TRAF3: variants seen among roughly 807,000 people sequenced by gnomAD.
TRAF3 encodes the protein TNF receptor-associated factor 3.
A neutral mutation model predicts 62.3 loss-of-function variants in TRAF3; 13 were observed. That is an observed-to-expected ratio of 0.21 (90% CI 0.14 to 0.33). TRAF3 has a LOEUF of 0.33. Among genes scored for constraint, TRAF3 ranks in the 10% least tolerant of loss-of-function variants. TRAF3 has a pLI of 1.00. For missense variants in TRAF3, 440 were observed against 741.8 expected, an observed-to-expected ratio of 0.59 and a Z score of 4.73; for synonymous variants, 269 against 283.4, an observed-to-expected ratio of 0.95 and a Z score of 0.51.
At chr14:102,865,917 C>G (rs530868826) in intron 2 of TRAF3, 7 of 152,306 alleles carry the variant, frequency 4.6e-5, no homozygotes, top group African/African-American at 1.4e-4. Context: ...TAGCATGGCC[C>G]CTGCACAAGG....
At chr14:102,890,743 A>G (rs1192210670) in intron 8 of TRAF3, among the ~76,000 whole-genome samples, 1 of 152,188 alleles carries the variant, frequency 6.6e-6, no homozygotes, top group African/African-American at 2.4e-5. Flanking sequence ...CATCTTATGT[A>G]CTCTGTAGAT....
At chr14:102,892,036 C>T (rs1402419309) in intron 9 of TRAF3, among the ~76,000 whole-genome samples, 1 of 151,382 alleles carries the variant, frequency 6.6e-6, no homozygotes, top group Non-Finnish European at 1.5e-5. Flanking sequence ...AAGAGACTCT[C>T]CCATGCTGTT....
intron 2 of TRAF3, among the ~76,000 whole-genome samples, chr14:102,837,879 T>G (rs1886124559): frequency 6.6e-6 from 1 of 152,204 alleles, no homozygotes; most frequent in Non-Finnish European, 1.5e-5. Context: ...TTGATGTAAT[T>G]GTTTTAGTTC....
At chr14:102,810,183 C>G (rs367634324) in intron 1 of TRAF3, among the ~76,000 whole-genome samples, 1 of 152,150 alleles carries the variant, frequency 6.6e-6, no homozygotes, top group Non-Finnish European at 1.5e-5. Flanking sequence ...ACCCCCTCCC[C>G]CCTACAACTG....
At chr14:102,840,164 T>TA (rs1886292512) in intron 2 of TRAF3, among the ~76,000 whole-genome samples, 1 of 152,150 alleles carries the variant, frequency 6.6e-6, no homozygotes, top group African/African-American at 2.4e-5. Flanking sequence ...ATTAATATTT[T>TA]AATGCAGTGC....
chr14:102,789,478 T>C (rs571984723), intron 1 of TRAF3, among the ~76,000 whole-genome samples: 3 of 152,180 alleles, frequency 2.0e-5, no homozygotes, highest in Non-Finnish European at 4.4e-5. Context: ...TTTTTTGTTT[T>C]GTTTCTTTTT....
rs151123401 is a variant in TRAF3 at position 102,787,783 on chromosome 14, C to G, written c.-157+10108C>G. Among the ~76,000 whole-genome samples, 773 of 151,450 alleles carry G rather than the reference C, an allele frequency of 5.1e-3. 9 individuals are homozygous for G. Among genetic ancestry groups the G allele is most frequent in the African/African-American group, 0.018 (757 of 41,310 alleles). On this transcript the variant is annotated intron_variant, in intron 1 of 11. Transcript: ENST00000392745. ...TTCTGAACACCCTAATTAAACAGCCCATGCTGTTGCTGTGGTCACTTGCCT... is the reference window on the plus strand; with the variant it reads ...TTCTGAACACCCTAATTAAACAGCCGATGCTGTTGCTGTGGTCACTTGCCT...
chr14:102,782,881 A>G (rs1290954154), intron 1 of TRAF3, among the ~76,000 whole-genome samples: 1 of 152,220 alleles, frequency 6.6e-6, no homozygotes, highest in African/African-American at 2.4e-5. Context: ...TTAAGTGGAA[A>G]GAAAAGCTAA....
chr14:102,864,894 C>T (rs549162612), intron 2 of TRAF3, among the ~76,000 whole-genome samples: 1 of 152,264 alleles, frequency 6.6e-6, no homozygotes, highest in South Asian at 2.1e-4. Context: ...GGTTAGTGCC[C>T]AGCAGTAGGG....
At chr14:102,865,585 T>C (rs929512934) in intron 2 of TRAF3, among the ~76,000 whole-genome samples, 7 of 151,520 alleles carry the variant, frequency 4.6e-5, no homozygotes, top group Non-Finnish European at 1.0e-4. Flanking sequence ...CTGAAACCTC[T>C]GCCTCCCAGG....
rs958632629 is a variant in TRAF3, at chr14:102,873,254, G to C, written c.297+1286G>C. Among the ~76,000 whole-genome samples, 5 of 152,170 alleles carry C rather than the reference G, an allele frequency of 3.3e-5. No individual in the cohort carries two copies. In the South Asian group the frequency reaches 1.0e-3, roughly 32 times the overall value. On this transcript the variant is annotated intron_variant, in intron 4 of 11. Transcript: ENST00000392745. ...TCCAGTATAGCCGCTCTGGAAGGGG[G>C]AGAGATGGAATTGGCCACCTGGCCC...
Position 102,903,510 on chromosome 14 carries a change from G to A in TRAF3, c.1135+81G>A. ...CTGGGGCGGGGTCCGTGGGATGAGG[G>A]CTATGTTAGGTACATGTGCCTTAGG... On this transcript the variant is annotated intron_variant, in intron 11 of 11. Coordinates refer to ENST00000392745, the MANE Select transcript of TRAF3 (RefSeq NM_145725.3). This position sits in a 1 kb window ranked among gnomAD's most constrained non-coding sequence, Gnocchi z 6.4. The A allele has an allele frequency of 6.3e-7, 1 of 1,585,658 alleles. No homozygotes were observed. The highest frequency in any genetic ancestry group is 8.6e-7 in the Non-Finnish European group (1 of 1,161,060).
rs549387653 is a variant in TRAF3, at chr14:102,902,740, G to A, written c.961-515G>A. Among the ~76,000 whole-genome samples, 22 of 152,322 alleles carry A rather than the reference G, an allele frequency of 1.4e-4. No individual in the cohort carries two copies. The South Asian group carries it at 4.6e-3, about 32-fold the overall frequency. On this transcript the variant is annotated intron_variant, in intron 10 of 11. Transcript: ENST00000392745. The stretch of plus-strand genomic sequence containing the variant: ...AGCTGGGAGGGACACATGGGAGTGT[G>A]AGGGTGAGGTCGGATCCTGGTATCT...
At chr14:102,813,474 G>T (rs1187457178) in intron 1 of TRAF3, among the ~76,000 whole-genome samples, 1 of 144,526 alleles carries the variant, frequency 6.9e-6, no homozygotes. Context: ...TTTTTGAGAC[G>T]GAGTCTCACT....
intron 6 of TRAF3, among the ~76,000 whole-genome samples, chr14:102,880,345 A>C (rs931524430): frequency 4.6e-5 from 7 of 152,208 alleles, no homozygotes; most frequent in Admixed American, 2.6e-4. Context: ...CCAGTTGTTA[A>C]ATTTCAGTGA....
intron 2 of TRAF3, among the ~76,000 whole-genome samples, chr14:102,837,904 C>A (rs1402300185): frequency 6.6e-6 from 1 of 152,160 alleles, no homozygotes; most frequent in African/African-American, 2.4e-5. Flanking sequence ...ACAATCCAGA[C>A]CCTGGCCAGC....
intron 2 of TRAF3, among the ~76,000 whole-genome samples, chr14:102,842,675 T>TA (rs1218011610): frequency 6.6e-6 from 1 of 152,076 alleles, no homozygotes; most frequent in African/African-American, 2.4e-5. Context: ...TACCTCATAA[T>TA]CAGATTGCCA....
chr14:102,880,703 C>T (rs1889001125), intron 6 of TRAF3, among the ~76,000 whole-genome samples: 1 of 152,202 alleles, frequency 6.6e-6, no homozygotes, highest in African/African-American at 2.4e-5. Context: ...GACATGGAAT[C>T]AACCTAAATG....
intron 1 of TRAF3, among the ~76,000 whole-genome samples, chr14:102,779,269 CTTTTTTTTTT>C (rs61309052): frequency 1.2e-3 from 153 of 123,448 alleles, no homozygotes; most frequent in African/African-American, 4.3e-3. Context: ...AGAATTCCAG[CTTTTTTTTTT>C]TTTTTTTTTT....
Sources: allele counts gnomAD v4.1 joint callset (sites outside exome capture counted in the v4.1 genomes callset), GRCh38; gene constraint gnomAD v4.1.1; non-coding constraint Gnocchi (gnomAD v3.1); transcripts MANE v1.5; gene names NCBI Gene and HGNC (gene_info 2026-07-23, HGNC 2026-07-21).